Variants in TSPAN12 observed in about 807,000 individuals in gnomAD.
TSPAN12 encodes the protein tetraspanin-12.
Under a neutral mutation model 39.2 loss-of-function variants are expected in TSPAN12, and 19 were observed. The observed-to-expected ratio is 0.49, with a 90% CI of 0.34 to 0.71. The LOEUF is 0.71. Ranked by LOEUF, TSPAN12 falls within the 30% of genes least tolerant of loss-of-function variation. The pLI, the probability that TSPAN12 is intolerant of heterozygous loss-of-function variation, is 0.01. For synonymous variants in TSPAN12, 119 were observed against 124.8 expected (o/e 0.95, Z 0.31); for missense variants, 314 against 359.9 (o/e 0.87, Z 1.03).
chr7:120,831,475 G>T (rs1223556664), intron 4 of TSPAN12, among the ~76,000 whole-genome samples: 1 of 151,932 alleles, frequency 6.6e-6, no homozygotes, highest in African/African-American at 2.4e-5. Context: ...AAAAAAACAA[G>T]GAAATTCTGT....
chr7:120,833,331 A>G (rs1203728035), intron 4 of TSPAN12, among the ~76,000 whole-genome samples: 2 of 152,052 alleles, frequency 1.3e-5, no homozygotes, highest in Non-Finnish European at 2.9e-5. Flanking sequence ...AAGGCCTTAA[A>G]CAGAGACTTT....
intron 4 of TSPAN12, among the ~76,000 whole-genome samples, chr7:120,826,831 T>C (rs1189330036): frequency 6.6e-6 from 1 of 152,158 alleles, no homozygotes. Flanking sequence ...CAAGTGATTC[T>C]CCTGCCTCAG....
intron 6 of TSPAN12, among the ~76,000 whole-genome samples, chr7:120,806,930 C>G (rs1793886712): frequency 6.6e-6 from 1 of 152,020 alleles, no homozygotes; most frequent in African/African-American, 2.4e-5. Flanking sequence ...ACAAATCAGG[C>G]ATGACTGAGA....
intron 5 of TSPAN12, among the ~76,000 whole-genome samples, chr7:120,811,941 G>C (rs565740074): frequency 1.3e-5 from 2 of 152,144 alleles, no homozygotes; most frequent in East Asian, 3.9e-4. Context: ...ACTACACATT[G>C]GGTACAGTGT....
Position 120,788,692 on chromosome 7 carries a change from C to T in TSPAN12, c.818G>A (p.Cys273Tyr), listed in dbSNP as rs745451531. 15 of 1,614,018 alleles carry T rather than the reference C, an allele frequency of 9.3e-6. No individual in the cohort carries two copies. Among genetic ancestry groups the T allele is most frequent in the East Asian group, 4.5e-5 (2 of 44,888 alleles). The part of the protein sequence containing the change: ...LKNDNSQHLS[C>Y]PSVELLKPSL... Reference sequence around the variant, plus strand: ...TGGTTTCAACAGTTCTACTGAGGGACATGACAGGTGCTGAGAGTTGTCATT... The same window carrying T: ...TGGTTTCAACAGTTCTACTGAGGGATATGACAGGTGCTGAGAGTTGTCATT... Residue 273 changes from cysteine (C) to tyrosine (Y), a missense_variant, in exon 8 of 8, where the codon TGT (cysteine) becomes TAT (tyrosine). Cys to Tyr is a radical substitution (Grantham distance 194). Coordinates refer to ENST00000222747, the MANE Select transcript of TSPAN12 (RefSeq NM_012338.4).
intron 7 of TSPAN12, among the ~76,000 whole-genome samples, chr7:120,793,315 C>T (rs999329912): frequency 1.3e-5 from 2 of 152,168 alleles, no homozygotes; most frequent in Non-Finnish European, 2.9e-5. Flanking sequence ...ACTTTGGATT[C>T]CAATGACAAA....
At chr7:120,834,737 T>C (rs996334207) in intron 4 of TSPAN12, among the ~76,000 whole-genome samples, 2 of 152,212 alleles carry the variant, frequency 1.3e-5, no homozygotes, top group African/African-American at 4.8e-5. Flanking sequence ...TGGATGAATG[T>C]ATTCTGCTTG....
At chr7:120,809,870 C>A (rs1584931474) in intron 6 of TSPAN12, among the ~76,000 whole-genome samples, 1 of 152,166 alleles carries the variant, frequency 6.6e-6, no homozygotes, top group African/African-American at 2.4e-5. Context: ...TAAATGAAAT[C>A]GCATCATTTA....
chr7:120,853,473 T>TAGATAG (rs776065784), intron 2 of TSPAN12, among the ~76,000 whole-genome samples: 2 of 129,684 alleles, frequency 1.5e-5, no homozygotes, highest in South Asian at 2.3e-4. Flanking sequence ...GAAATGCAGA[T>TAGATAG]ATATATATAT....
chr7:120,838,601 C>T (rs559241401), intron 4 of TSPAN12, among the ~76,000 whole-genome samples, 176 bp downstream of exon 4: 16 of 152,314 alleles, frequency 1.1e-4, no homozygotes, highest in African/African-American at 3.8e-4. Context: ...ATTTCCATAC[C>T]TCATCCGGTA....
At chr7:120,793,708 T>C (rs1052390329) in intron 7 of TSPAN12, among the ~76,000 whole-genome samples, 18 of 152,236 alleles carry the variant, frequency 1.2e-4, no homozygotes, top group African/African-American at 4.3e-4. Context: ...CAGTACTGTA[T>C]GTCCATCCGT....
intron 4 of TSPAN12, among the ~76,000 whole-genome samples, chr7:120,820,519 T>G (rs1046651031): frequency 6.6e-6 from 1 of 152,094 alleles, no homozygotes. Context: ...TTCCAGTATT[T>G]TACCTCCTAT....
chr7:120,825,299 A>C (rs1794264274), intron 4 of TSPAN12, among the ~76,000 whole-genome samples: 1 of 152,200 alleles, frequency 6.6e-6, no homozygotes, highest in South Asian at 2.1e-4. Context: ...TTATAACTAA[A>C]AACTCAGACG....
chr7:120,794,017 GAGGCAAAC>G (rs1349873756), intron 7 of TSPAN12, among the ~76,000 whole-genome samples: 1 of 152,108 alleles, frequency 6.6e-6, no homozygotes, highest in Non-Finnish European at 1.5e-5. Flanking sequence ...AGAAAGCTGA[GAGGCAAAC>G]AGGACACTCA....
At chr7:120,805,171 T>G (rs1045275653) in intron 7 of TSPAN12, among the ~76,000 whole-genome samples, 1 of 152,130 alleles carries the variant, frequency 6.6e-6, no homozygotes, top group Non-Finnish European at 1.5e-5. Flanking sequence ...CACTTTATTT[T>G]GGATATCCTT....
intron 4 of TSPAN12, among the ~76,000 whole-genome samples, chr7:120,821,087 T>C (rs1430725785): frequency 1.3e-5 from 2 of 152,172 alleles, no homozygotes; most frequent in Non-Finnish European, 2.9e-5. Flanking sequence ...TATGGGAAAT[T>C]AGAATGTCAT....
intron 4 of TSPAN12, among the ~76,000 whole-genome samples, chr7:120,816,389 T>G (rs893525675): frequency 6.7e-6 from 1 of 149,868 alleles, no homozygotes; most frequent in African/African-American, 2.4e-5. Flanking sequence ...AAGTTGAATA[T>G]GGTGTCAAAA....
chr7:120,802,984 A>G (rs1306040527), intron 7 of TSPAN12, among the ~76,000 whole-genome samples: 6 of 152,218 alleles, frequency 3.9e-5, no homozygotes. Context: ...GATTGCAGGA[A>G]AAAAGCCAGT....
At chr7:120,826,884 G>A (rs1406035633) in intron 4 of TSPAN12, among the ~76,000 whole-genome samples, 2 of 151,862 alleles carry the variant, frequency 1.3e-5, no homozygotes, top group East Asian at 1.9e-4. Flanking sequence ...CACCATGCCC[G>A]GCTAATTTTT....
Sources: allele counts gnomAD v4.1 joint callset (sites outside exome capture counted in the v4.1 genomes callset), GRCh38; gene constraint gnomAD v4.1.1; transcripts MANE v1.5; gene names NCBI Gene and HGNC (gene_info 2026-07-23, HGNC 2026-07-21).